TBX21: variants seen among roughly 807,000 people sequenced by gnomAD.
TBX21 encodes T-box transcription factor 21, also known as T-box transcription factor TBX21.
In TBX21, 11 loss-of-function variants were observed where a neutral mutation model predicts 52.2. The observed-to-expected ratio is 0.21, with a 90% CI of 0.13 to 0.35. TBX21 has a LOEUF of 0.35. Ranked by LOEUF, TBX21 falls within the 10% of genes least tolerant of loss-of-function variation. The probability of loss-of-function intolerance (pLI) is 1.00; values close to 1 mark genes in which losing one functional copy is unlikely to be tolerated. For synonymous variants in TBX21, 300 were observed against 316.1 expected (o/e 0.95, Z 0.54); for missense variants, 625 against 755.1 (o/e 0.83, Z 2.02).
chr17:47,740,873 G>A (rs1439892697), intron 1 of TBX21, among the ~76,000 whole-genome samples: 2 of 152,178 alleles, frequency 1.3e-5, no homozygotes, highest in Non-Finnish European at 2.9e-5. Flanking sequence ...TGTTAGGTAA[G>A]TTGTCCTGGG....
Position 47,743,653 on chromosome 17 carries a change from G to A in TBX21, c.768+461G>A, listed in dbSNP as rs1045477969. On this transcript the variant is annotated intron_variant, in intron 3 of 5. Transcript: ENST00000177694. ...TCCCAGCACTTTGGGAGGCCAAGGC[G>A]GGTGGATCACAAGGTCAGGAGTTCA... Among the ~76,000 whole-genome samples, 35 of 151,980 alleles carry A rather than the reference G, an allele frequency of 2.3e-4. 1 individual carries two copies. The highest frequency in any genetic ancestry group is 2.3e-3 in the Admixed American group (35 of 15,258).
At chr17:47,734,441 G>C (rs917273528) in intron 1 of TBX21, among the ~76,000 whole-genome samples, 2 of 152,062 alleles carry the variant, frequency 1.3e-5, no homozygotes, top group African/African-American at 4.8e-5. Flanking sequence ...TGGTGGTAGT[G>C]GTGGTGGTAG....
Position 47,733,708 on chromosome 17 carries a change from G to A in TBX21, c.254G>A (p.Gly85Asp). ...TACCCGCCGCGACCCCAGGCGGCCG[G>A]CTTCCCCGGCGCGGGCGAGTCCTTC... is the stretch of plus-strand genomic sequence containing the variant. ...YAYPPRPQAA[G>D]FPGAGESFPP... is the part of the protein sequence containing the mutation. The change falls in exon 1 of 6, where the codon GGC becomes GAC. Residue 85 changes from glycine to aspartate, a missense_variant. This residue lies in a region of TBX21 where 221 missense variants were observed against 204.9 expected (regional missense o/e 1.08). Transcript: ENST00000177694. The surrounding 1 kb of genome is among the most constrained non-coding windows in gnomAD (Gnocchi z 6.6). 7.1e-7 allele frequency: 1 copy of A among 1,418,032 alleles called. No individual in the cohort carries two copies. The highest frequency in any genetic ancestry group is 9.2e-7 in the Non-Finnish European group (1 of 1,086,606). 87.8% of individuals were successfully genotyped at this position (1,418,032 alleles called of 1,614,324 possible).
chr17:47,739,630 G>T (rs974846381), intron 1 of TBX21, among the ~76,000 whole-genome samples: 1 of 151,950 alleles, frequency 6.6e-6, no homozygotes, highest in East Asian at 1.9e-4. Context: ...GTGGTGGCGG[G>T]CGCCTGTAGT....
In TBX21 at chr17:47,741,989, C is replaced by T. The variant is rs190352694; in HGVS notation, c.492-621C>T. On this transcript the variant is annotated intron_variant, in intron 1 of 5. Coordinates refer to ENST00000177694, the MANE Select transcript of TBX21 (RefSeq NM_013351.2). ...ATTTAGTACCTCCTCCATGCAGCTG[C>T]GATAGACGGAAGTAACCTCGACAGT... Among the ~76,000 whole-genome samples, 96 of 151,990 alleles carry T rather than the reference C, an allele frequency of 6.3e-4. 2 individuals are homozygous for T. The highest frequency in any genetic ancestry group is 6.2e-3 in the Admixed American group (95 of 15,270).
intron 1 of TBX21, among the ~76,000 whole-genome samples, chr17:47,741,218 T>TG (rs775831461): frequency 4.0e-5 from 6 of 151,720 alleles, no homozygotes; most frequent in Non-Finnish European, 8.8e-5. Context: ...GTGGTGCCCG[T>TG]GCTGGTGCTG....
chr17:47,745,050 G>C lies in TBX21; in HGVS notation c.1292G>C (p.Gly431Ala). Residue 431 changes from glycine to alanine, a missense_variant, in exon 6 of 6, where the codon GGC becomes GCC. Gly to Ala is a moderately conservative substitution (Grantham distance 60, BLOSUM62 0). This residue lies in a region of TBX21 where 261 missense variants were observed against 275.1 expected (regional missense o/e 0.95). Transcript: ENST00000177694. Reference protein sequence around the residue: ...RGQEVLAPGAGWPVAPQYPPK... With the variant: ...RGQEVLAPGAAWPVAPQYPPK... ...CAGGAGGTCCTGGCACCTGGAGCTG[G>C]CTGGCCTGTGGCACCCCAGTACCCT... 6.2e-7 allele frequency: 1 copy of C among 1,612,706 alleles called. No individual in the cohort carries two copies. The highest frequency in any genetic ancestry group is 8.5e-7 in the Non-Finnish European group (1 of 1,180,002).
In TBX21 at chr17:47,742,769, G is replaced by T; in HGVS notation, c.646+5G>T. 6.4e-7 allele frequency: 1 copy of T among 1,560,024 alleles called. No individual in the cohort carries two copies. The highest frequency in any genetic ancestry group is 8.7e-7 in the Non-Finnish European group (1 of 1,151,680). Reference sequence around the variant, plus strand: ...AGGCCGAGGGCAGCATGCCAGGTGCGCGCGCCCCTGGGAGCGGTGGGCTCT... The same window carrying T: ...AGGCCGAGGGCAGCATGCCAGGTGCTCGCGCCCCTGGGAGCGGTGGGCTCT... On this transcript the variant is annotated splice_donor_5th_base_variant and intron_variant, in intron 2 of 5. Transcript: ENST00000177694. The surrounding 1 kb of genome is among the most constrained non-coding windows in gnomAD (Gnocchi z 4.4).
rs2032162904 is a variant in TBX21, at chr17:47,733,480, G to C, written c.26G>C (p.Gly9Ala). 1.3e-6 allele frequency: 2 copies of C among 1,492,902 alleles called. No homozygotes were observed. Among genetic ancestry groups the C allele is most frequent in the South Asian group, 2.5e-5 (2 of 79,464 alleles). 92.5% of individuals were successfully genotyped at this position (1,492,902 alleles called of 1,614,324 possible). Residue 9 changes from glycine (G) to alanine (A), a missense_variant, in exon 1 of 6, where the codon GGA (glycine) becomes GCA (alanine). By Grantham distance (60) the Gly-to-Ala change is moderately conservative. This residue lies in a region of TBX21 where 221 missense variants were observed against 204.9 expected (regional missense o/e 1.08). Transcript: ENST00000177694. The surrounding 1 kb of genome is among the most constrained non-coding windows in gnomAD (Gnocchi z 6.6). ...ATGGGCATCGTGGAGCCGGGTTGCG[G>C]AGACATGCTGACGGGCACCGAGCCG... is the stretch of plus-strand genomic sequence containing the variant. MGIVEPGC[G>A]DMLTGTEPMP...
chr17:47,736,451 C>T (rs1202101006), intron 1 of TBX21, among the ~76,000 whole-genome samples: 2 of 152,164 alleles, frequency 1.3e-5, no homozygotes, highest in Non-Finnish European at 2.9e-5. Flanking sequence ...CACCAAGCTT[C>T]TCTGATTGCT....
In TBX21 at chr17:47,733,716, G is replaced by T; in HGVS notation, c.262G>T (p.Gly88Cys). The change falls in exon 1 of 6, where the codon GGC becomes TGC. Residue 88 changes from glycine (G) to cysteine (C), a missense_variant. Coordinates refer to ENST00000177694, the MANE Select transcript of TBX21 (RefSeq NM_013351.2). This position sits in a 1 kb window ranked among gnomAD's most constrained non-coding sequence, Gnocchi z 6.6. ...GCGACCCCAGGCGGCCGGCTTCCCC[G>T]GCGCGGGCGAGTCCTTCCCGCCGCC... ...PPRPQAAGFP[G>C]AGESFPPPAD... is the part of the protein sequence containing the mutation. 1 of 1,415,512 alleles carries T rather than the reference G, an allele frequency of 7.1e-7. No homozygotes were observed. The highest frequency in any genetic ancestry group is 9.2e-7 in the Non-Finnish European group (1 of 1,085,532). 87.7% of individuals were successfully genotyped at this position (1,415,512 alleles called of 1,614,324 possible). A position where few individuals can be genotyped will look rare whatever the true frequency, so the allele number is the denominator to read the frequency against.
In TBX21 at chr17:47,733,984, G is replaced by A; in HGVS notation, c.491+39G>A. ...GCCGGCCCTTGGGGCCTCTGTGCCC[G>A]CGCCGGAACAAGAACGTCTCGTCTG... On this transcript the variant is annotated intron_variant, in intron 1 of 5. Transcript: ENST00000177694. The surrounding 1 kb of genome is among the most constrained non-coding windows in gnomAD (Gnocchi z 6.6). 1.2e-6 allele frequency: 2 copies of A among 1,611,840 alleles called. No individual in the cohort carries two copies. Among genetic ancestry groups the A allele is most frequent in the African/African-American group, 1.3e-5 (1 of 74,964 alleles).
In TBX21 at chr17:47,742,602, C is replaced by T; in HGVS notation, c.492-8C>T. On this transcript the variant is annotated splice_polypyrimidine_tract_variant and splice_region_variant and intron_variant, in intron 1 of 5. Transcript: ENST00000177694. The surrounding 1 kb of genome is among the most constrained non-coding windows in gnomAD (Gnocchi z 4.4). Reference sequence around the variant, plus strand: ...ATGGGTGCTGGGGGCTTTCTCTCTTCTCTCCAGGCGGATGTTCCCATTCCT... The same window carrying T: ...ATGGGTGCTGGGGGCTTTCTCTCTTTTCTCCAGGCGGATGTTCCCATTCCT... 6.3e-7 allele frequency: 1 copy of T among 1,594,266 alleles called. No homozygotes were observed. The highest frequency in any genetic ancestry group is 8.6e-7 in the Non-Finnish European group (1 of 1,168,148).
At chr17:47,743,033 C>G in intron 2 of TBX21, 38 bp from the exon 3 acceptor site, 1 of 1,611,718 alleles carries the variant, frequency 6.2e-7, no homozygotes, top group Non-Finnish European at 8.5e-7. Flanking sequence ...AGGGTTCTGT[C>G]CCGGGGGCTG....
In TBX21 at chr17:47,733,775, C is replaced by G; in HGVS notation, c.321C>G (p.Gly107=). Residue 107 remains glycine, a synonymous_variant, in exon 1 of 6, where the codon GGC becomes GGG. Coordinates refer to ENST00000177694, the MANE Select transcript of TBX21 (RefSeq NM_013351.2). This position sits in a 1 kb window ranked among gnomAD's most constrained non-coding sequence, Gnocchi z 6.6. Reference sequence around the variant, plus strand: ...CCGAGGGCTACCAGCCGGGCGAGGGCTACGCCGCCCCGGACCCGCGCGCCG... The same window carrying G: ...CCGAGGGCTACCAGCCGGGCGAGGGGTACGCCGCCCCGGACCCGCGCGCCG... ...ADAEGYQPGE[G]YAAPDPRAGL... is the part of the protein sequence containing the mutation. The G allele has an allele frequency of 6.5e-7, 1 of 1,536,118 alleles. No individual in the cohort carries two copies. Among genetic ancestry groups the G allele is most frequent in the Non-Finnish European group, 8.8e-7 (1 of 1,142,190 alleles).
Position 47,744,370 on chromosome 17 carries a change from C to T in TBX21, c.927+17C>T, listed in dbSNP as rs542189160. The stretch of plus-strand genomic sequence containing the variant: ...AATGCCGAGGTGAGGGCTGCCTGAG[C>T]CCCGGTGGGGAGGAGGGCAGAGTGG... On this transcript the variant is annotated intron_variant, in intron 4 of 5. Transcript: ENST00000177694. 5.6e-6 allele frequency: 9 copies of T among 1,614,170 alleles called. No homozygotes were observed. In the East Asian group the frequency reaches 8.9e-5, roughly 16 times the overall value.
intron 1 of TBX21, among the ~76,000 whole-genome samples, chr17:47,740,660 G>A (rs1034743927): frequency 1.3e-5 from 2 of 152,318 alleles, no homozygotes; most frequent in African/African-American, 4.8e-5. Context: ...AACCTGGAAG[G>A]TGGAGGTTAG....
intron 1 of TBX21, among the ~76,000 whole-genome samples, chr17:47,737,873 C>T (rs971499717): frequency 3.1e-4 from 47 of 152,208 alleles, no homozygotes; most frequent in African/African-American, 1.1e-3. Context: ...TGATCCCCCG[C>T]CTCGGCCTCT....
intron 1 of TBX21, among the ~76,000 whole-genome samples, chr17:47,738,545 C>A (rs891887020): frequency 6.6e-6 from 1 of 152,112 alleles, no homozygotes; most frequent in Non-Finnish European, 1.5e-5. Context: ...TACGCCCACA[C>A]CAATAGTCTA....
Sources: gnomAD v4.1 joint callset for allele counts (sites outside exome capture counted in the v4.1 genomes callset) on GRCh38, gnomAD v4.1.1 for gene constraint, gnomAD v4.1.1 regional missense constraint, Gnocchi (gnomAD v3.1) non-coding constraint, MANE v1.5 for transcripts, NCBI Gene and HGNC (gene_info 2026-07-23, HGNC 2026-07-21) for gene names.